Variants in AP3B1 observed in about 807,000 individuals in gnomAD.
AP3B1 encodes adaptor related protein complex 3 subunit beta 1.
A neutral mutation model predicts 132.5 loss-of-function variants in AP3B1; 61 were observed. That is an observed-to-expected ratio of 0.46 (90% CI 0.37 to 0.57). The LOEUF (loss-of-function observed/expected upper bound fraction) is 0.57. Among genes scored for constraint, AP3B1 ranks in the 20% least tolerant of loss-of-function variants. The pLI is 0.00. For synonymous variants in AP3B1, 388 were observed against 438.3 expected (o/e 0.89, Z 1.43); for missense variants, 1,120 against 1,289.4 (o/e 0.87, Z 2.01).
At chr5:78,053,436 C>T (rs566158598) in intron 22 of AP3B1, among the ~76,000 whole-genome samples, 9 of 152,188 alleles carry the variant, frequency 5.9e-5, no homozygotes, top group African/African-American at 9.6e-5. Flanking sequence ...AATCTCAGCA[C>T]TTTGGGAGAC....
chr5:78,162,075 A>T (rs1417242563), intron 13 of AP3B1, among the ~76,000 whole-genome samples: 5 of 152,102 alleles, frequency 3.3e-5, no homozygotes, highest in African/African-American at 1.2e-4. Context: ...TGCTTTTCTT[A>T]AAAAAGTCTC....
chr5:78,129,541 A>G (rs1211993067), intron 15 of AP3B1, among the ~76,000 whole-genome samples: 1 of 152,134 alleles, frequency 6.6e-6, no homozygotes, highest in Non-Finnish European at 1.5e-5. Flanking sequence ...GTGCTAGATT[A>G]TTAAACTGCT....
chr5:78,087,178 G>A (rs781115741), intron 22 of AP3B1, among the ~76,000 whole-genome samples: 6 of 152,032 alleles, frequency 3.9e-5, no homozygotes, highest in Non-Finnish European at 5.9e-5. Flanking sequence ...AATTATAGAT[G>A]TACTCTATCA....
chr5:78,044,645 C>T (rs375108890), intron 22 of AP3B1, among the ~76,000 whole-genome samples: 1 of 152,180 alleles, frequency 6.6e-6, no homozygotes, highest in South Asian at 2.1e-4. Context: ...TGGTTCACAG[C>T]GGCCAGGAAT....
chr5:78,115,927 T>C (rs947879412), intron 18 of AP3B1, 199 bp downstream of exon 18: 3 of 608,262 alleles, frequency 4.9e-6, no homozygotes, highest in African/African-American at 1.8e-5. Context: ...CCAAGAGATA[T>C]TGTAAAGTAA....
intron 25 of AP3B1, among the ~76,000 whole-genome samples, chr5:78,017,079 C>T (rs1276989021): frequency 2.0e-5 from 3 of 152,056 alleles, no homozygotes; most frequent in Admixed American, 1.3e-4. Flanking sequence ...AGATGGATAG[C>T]ACTCAGAGAA....
At chr5:78,128,719 A>T (rs1176048857) in intron 16 of AP3B1, among the ~76,000 whole-genome samples, 1 of 152,084 alleles carries the variant, frequency 6.6e-6, no homozygotes, top group Admixed American at 6.5e-5. Context: ...ACTTTTTATA[A>T]AATAATTCCT....
intron 22 of AP3B1, among the ~76,000 whole-genome samples, chr5:78,083,129 T>C (rs116579116): frequency 0.023 from 3,505 of 152,286 alleles, 61 homozygotes; most frequent in Non-Finnish European, 0.038. Context: ...GTTGAGAACC[T>C]ATTAACCTAG....
chr5:78,010,837 A>T (rs1192390929), intron 26 of AP3B1, among the ~76,000 whole-genome samples: 1 of 151,974 alleles, frequency 6.6e-6, no homozygotes, highest in African/African-American at 2.4e-5. Flanking sequence ...TGTCTTAAGT[A>T]ATATGCATTA....
chr5:78,211,386 T>C (rs1027279463), intron 7 of AP3B1, among the ~76,000 whole-genome samples: 2 of 152,222 alleles, frequency 1.3e-5, no homozygotes, highest in Non-Finnish European at 2.9e-5. Flanking sequence ...CCTCAAATCA[T>C]ACATTTACAT....
At chr5:78,248,492 C>CAAAAA (rs34983157) in intron 2 of AP3B1, among the ~76,000 whole-genome samples, 346 of 71,118 alleles carry the variant, frequency 4.9e-3, no homozygotes, top group East Asian at 5.9e-3. Context: ...GACTCTGTCT[C>CAAAAA]AAAAAAAAAA....
chr5:78,045,560 C>T (rs2112113810), intron 22 of AP3B1, among the ~76,000 whole-genome samples: 1 of 152,152 alleles, frequency 6.6e-6, no homozygotes, highest in East Asian at 1.9e-4. Flanking sequence ...ACTACTTCCA[C>T]ATATAATACA....
chr5:78,101,299 C>T (rs1487333860), intron 20 of AP3B1: 28 of 457,472 alleles, frequency 6.1e-5, no homozygotes, highest in South Asian at 4.3e-4. Flanking sequence ...ATTCTACAAT[C>T]GGACAACTTC....
intron 1 of AP3B1, among the ~76,000 whole-genome samples, chr5:78,283,644 T>C (rs1561220793): frequency 6.6e-6 from 1 of 152,136 alleles, no homozygotes; most frequent in Non-Finnish European, 1.5e-5. Context: ...ACCTTATCTA[T>C]CTATCTAACT....
intron 25 of AP3B1, among the ~76,000 whole-genome samples, chr5:78,019,893 C>T (rs1747018559): frequency 6.6e-6 from 1 of 151,842 alleles, no homozygotes; most frequent in Non-Finnish European, 1.5e-5. Flanking sequence ...TTGATAACAC[C>T]CTCCACAGGA....
intron 12 of AP3B1, among the ~76,000 whole-genome samples, chr5:78,163,664 C>CATAT (rs1233506594): frequency 6.1e-5 from 9 of 146,398 alleles, no homozygotes; most frequent in African/African-American, 2.0e-4. Context: ...CACACACACA[C>CATAT]ATATATATAT....
chr5:78,135,280 C>A (rs1246076129), intron 15 of AP3B1, among the ~76,000 whole-genome samples: 1 of 152,092 alleles, frequency 6.6e-6, no homozygotes, highest in Admixed American at 6.6e-5. Flanking sequence ...TAAATTATAT[C>A]TACACATATC....
intron 21 of AP3B1, among the ~76,000 whole-genome samples, chr5:78,096,868 C>T (rs1750832295): frequency 6.6e-6 from 1 of 151,100 alleles, no homozygotes; most frequent in Non-Finnish European, 1.5e-5. Flanking sequence ...GGCCAGCCGC[C>T]CCGTCCGGGA....
At chr5:78,234,489 A>G (rs1168937284) in intron 3 of AP3B1, among the ~76,000 whole-genome samples, 1 of 152,226 alleles carries the variant, frequency 6.6e-6, no homozygotes, top group African/African-American at 2.4e-5. Flanking sequence ...AAAGTTCCTA[A>G]GAATACAGCA....
Sources: gnomAD v4.1 joint callset for allele counts (sites outside exome capture counted in the v4.1 genomes callset) on GRCh38, gnomAD v4.1.1 for gene constraint, MANE v1.5 for transcripts, NCBI Gene and HGNC (gene_info 2026-07-23, HGNC 2026-07-21) for gene names.